The following NTRK1 variants were observed in gnomAD, a reference collection of about 807,000 sequenced individuals.
The protein encoded by NTRK1 is high affinity nerve growth factor receptor.
A neutral mutation model predicts 86.8 loss-of-function variants in NTRK1; 62 were observed. That is an observed-to-expected ratio of 0.71 (90% CI 0.58 to 0.88). The LOEUF (loss-of-function observed/expected upper bound fraction) is 0.88. Ranked by LOEUF, NTRK1 falls within the 40% of genes least tolerant of loss-of-function variation. The pLI is 0.00. For missense variants in NTRK1, 967 were observed against 1,078.4 expected, an observed-to-expected ratio of 0.90 and a Z score of 1.45; for synonymous variants, 469 against 456.6, an observed-to-expected ratio of 1.03 and a Z score of -0.35.
chr1:156,825,907 C>A (rs1488029582), intron 1 of NTRK1, among the ~76,000 whole-genome samples: 1 of 152,150 alleles, frequency 6.6e-6, no homozygotes, highest in Non-Finnish European at 1.5e-5. Context: ...TTATTATTCT[C>A]CCCACTTTAC....
chr1:156,845,875 C>T (rs577172324), intron 2 of NTRK1: 23 of 1,599,940 alleles, frequency 1.4e-5, no homozygotes, highest in African/African-American at 5.4e-5. Flanking sequence ...TGATCCCCCC[C>T]ACCTGCCGGG....
In NTRK1 at chr1:156,843,791, C is replaced by G. The variant is rs796788437; in HGVS notation, c.50+1598C>G. Among the ~76,000 whole-genome samples the G allele has an allele frequency of 3.0e-4, 45 of 152,348 alleles. 1 individual carries two copies. Among genetic ancestry groups the G allele is most frequent in the African/African-American group, 1.1e-3 (45 of 41,576 alleles). ...AGTCAGCCCTGGAAGGATCTGACATCAGGCATTCTGGAACACATCCCCAGG... is the reference window on the plus strand; with the variant it reads ...AGTCAGCCCTGGAAGGATCTGACATGAGGCATTCTGGAACACATCCCCAGG... On this transcript the variant is annotated intron_variant, in intron 2 of 16. Transcript: ENST00000392302.
intron 1 of NTRK1, among the ~76,000 whole-genome samples, chr1:156,829,816 C>T (rs1326631152): frequency 6.6e-6 from 1 of 152,068 alleles, no homozygotes; most frequent in Non-Finnish European, 1.5e-5. Context: ...CCGCATCCGG[C>T]GAATTTTGTA....
rs765933102 is a variant in NTRK1, at chr1:156,854,372, T to G, written c.51-9982T>G. On this transcript the variant is annotated intron_variant, in intron 2 of 16. Coordinates refer to the NTRK1 transcript ENST00000392302. The surrounding 1 kb of genome is among the most constrained non-coding windows in gnomAD (Gnocchi z 4.2). ...AAATTCCCCATCCAGCCCTGGCAGC[T>G]TTGGAGGGGAGCCACACTGGCAGTA... is the stretch of plus-strand genomic sequence containing the variant. 732 of 1,445,690 alleles carry G rather than the reference T, an allele frequency of 5.1e-4. 4 individuals carry two copies. Among genetic ancestry groups the G allele is most frequent in the Admixed American group, 2.6e-4 (13 of 49,598 alleles). The allele number at this position is 1,445,690 out of a possible 1,614,324, so 89.6% of individuals were successfully genotyped here.
chr1:156,843,007 ATGGTG>A (rs866442019), intron 2 of NTRK1: 1 of 1,611,396 alleles, frequency 6.2e-7, no homozygotes, highest in African/African-American at 1.3e-5. Flanking sequence ...CCCTTACCAC[ATGGTG>A]ACACTTGAAG....
At chr1:156,863,240 G>T (rs1655761657) in intron 1 of NTRK1, among the ~76,000 whole-genome samples, 1 of 152,064 alleles carries the variant, frequency 6.6e-6, no homozygotes, top group African/African-American at 2.4e-5. Flanking sequence ...GCTTTCTGTA[G>T]CTCTCTGTCC....
rs1648083695 is a variant in NTRK1, at chr1:156,879,003, C to T, written c.1806-119C>T. Reference sequence around the variant, plus strand: ...AGCTGCCTCTACTGTTCTCTCAATCCTCCACTTCCAGGTCCCCAGTCTCCT... The same window carrying T: ...AGCTGCCTCTACTGTTCTCTCAATCTTCCACTTCCAGGTCCCCAGTCTCCT... On this transcript the variant is annotated intron_variant, in intron 14 of 16. Coordinates refer to ENST00000524377, the MANE Select transcript of NTRK1 (RefSeq NM_002529.4). The T allele has an allele frequency of 2.5e-6, 3 of 1,210,700 alleles. No individual in the cohort carries two copies. The Admixed American group carries it at 6.5e-5, about 26-fold the overall frequency. 75.0% of individuals were successfully genotyped at this position (1,210,700 alleles called of 1,614,324 possible).
At position 156,864,375 on chromosome 1, in the gene NTRK1, T is replaced by A; in HGVS notation, c.234T>A (p.His78Gln). Residue 78 changes from histidine to glutamine, a missense_variant, in exon 2 of 17, where the codon CAT (histidine) becomes CAA (glutamine). By Grantham distance (24) the His-to-Gln change is conservative (BLOSUM62 0). This residue lies in a region of NTRK1 where 330 missense variants were observed against 302.0 expected (regional missense o/e 1.09). Transcript: ENST00000524377. ...LTELYIENQQ[H>Q]LQHLELRDLR... is the part of the protein sequence containing the mutation. ...ACAGCTACATCGAGAACCAGCAGCA[T>A]CTGCAGCATCTGGAGCTCCGTGATC... 6.2e-7 allele frequency: 1 copy of A among 1,614,126 alleles called. No individual in the cohort carries two copies. The highest frequency in any genetic ancestry group is 8.5e-7 in the Non-Finnish European group (1 of 1,180,010).
At chr1:156,865,313 C>A (rs2102887109) in intron 3 of NTRK1, among the ~76,000 whole-genome samples, 1 of 152,270 alleles carries the variant, frequency 6.6e-6, no homozygotes, top group South Asian at 2.1e-4. Context: ...ACAATTTTAC[C>A]ACGGATGGTG....
chr1:156,868,436 C>T, intron 5 of NTRK1, 69 bp from the exon 6 acceptor site: 1 of 1,548,008 alleles, frequency 6.5e-7, no homozygotes, highest in Non-Finnish European at 8.7e-7. Flanking sequence ...AGGAGCAGCC[C>T]CGCAGTAGAG....
chr1:156,880,172 A>G lies in NTRK1; in HGVS notation c.2205+15A>G, dbSNP rs1452127269. On this transcript the variant is annotated intron_variant, in intron 16 of 16. Coordinates refer to ENST00000524377, the MANE Select transcript of NTRK1 (RefSeq NM_002529.4). ...CCAACACGGAGGTCAGCCCCGGCCC[A>G]TGGTCACCCCTTGCTGGCCTCCCCG... The G allele has an allele frequency of 6.2e-7, 1 of 1,608,466 alleles. No individual in the cohort carries two copies. The highest frequency in any genetic ancestry group is 1.1e-5 in the South Asian group (1 of 90,950).
rs1292552056 is a variant in NTRK1 at position 156,842,066 on chromosome 1, C to CA, written c.-63-15_-63-14insA. On this transcript the variant is annotated splice_polypyrimidine_tract_variant and intron_variant, in intron 1 of 16. Coordinates refer to the NTRK1 transcript ENST00000392302. ...CTCCTGATGCCTAGCTTAAGGGAGT[C>CA]TCTCTACTTTTCAGGCCGCCCTCAT... 4 of 1,610,730 alleles carry CA rather than the reference C, an allele frequency of 2.5e-6. No homozygotes were observed. The Admixed American group carries it at 6.7e-5, about 27-fold the overall frequency.
chr1:156,876,702 C>G (rs927625701), intron 14 of NTRK1, 130 bp downstream of exon 14: 2 of 1,166,456 alleles, frequency 1.7e-6, no homozygotes. Context: ...AGGCACATTC[C>G]CGTCCCCAGG....
At chr1:156,864,494 G>A in intron 2 of NTRK1, 66 bp downstream of exon 2, 1 of 1,531,116 alleles carries the variant, frequency 6.5e-7, no homozygotes, top group Non-Finnish European at 9.0e-7. Context: ...GAAGGTCAGG[G>A]AGGGCTCAAG....
intron 2 of NTRK1, chr1:156,842,432 T>C: frequency 6.2e-7 from 1 of 1,614,130 alleles, no homozygotes; most frequent in Non-Finnish European, 8.5e-7. Context: ...AAGATGGCTC[T>C]TGAGGTCCCC....
At chr1:156,874,835 A>G (rs946132790) in intron 10 of NTRK1, 71 bp from the exon 11 acceptor site, 6 of 1,287,746 alleles carry the variant, frequency 4.7e-6, no homozygotes, top group Non-Finnish European at 6.8e-6. Context: ...GGATGAAAAA[A>G]TGGCTTACTA....
intron 7 of NTRK1, among the ~76,000 whole-genome samples, chr1:156,872,081 A>G (rs1647594059): frequency 6.6e-6 from 1 of 151,962 alleles, no homozygotes; most frequent in Non-Finnish European, 1.5e-5. Flanking sequence ...TTCTCCCCGC[A>G]TCCTAGTTTC....
rs2102912438 is a variant in NTRK1 at position 156,875,002 on chromosome 1, A to G, written c.1348A>G (p.Ile450Val). The change falls in exon 11 of 17, where the codon ATC becomes GTC. Residue 450 changes from isoleucine to valine, a missense_variant. By Grantham distance (29) the Ile-to-Val change is conservative (BLOSUM62 3). Around this residue, in one of 2 missense-constraint regions of NTRK1, gnomAD observed 637 missense variants for 776.5 expected, o/e 0.82. Transcript: ENST00000524377. The part of the protein sequence containing the change: ...NKCGRRNKFG[I>V]NRPAVLAPED... ...ATGTGGACGGAGAAACAAGTTTGGGATCAACCGTGAGTCGGGGCTGCAGAG... is the reference window on the plus strand; with the variant it reads ...ATGTGGACGGAGAAACAAGTTTGGGGTCAACCGTGAGTCGGGGCTGCAGAG... 1 of 1,611,514 alleles carries G rather than the reference A, an allele frequency of 6.2e-7. No individual in the cohort carries two copies. The highest frequency in any genetic ancestry group is 8.5e-7 in the Non-Finnish European group (1 of 1,177,812).
intron 2 of NTRK1, among the ~76,000 whole-genome samples, chr1:156,842,661 C>T (rs920672189): frequency 1.3e-5 from 2 of 152,196 alleles, no homozygotes; most frequent in East Asian, 1.9e-4. Context: ...TAACAATGAC[C>T]CTGACCCTAA....
Sources: gnomAD v4.1 joint callset for allele counts (sites outside exome capture counted in the v4.1 genomes callset) on GRCh38, gnomAD v4.1.1 for gene constraint, gnomAD v4.1.1 regional missense constraint, Gnocchi (gnomAD v3.1) non-coding constraint, MANE v1.5 for transcripts, NCBI Gene and HGNC (gene_info 2026-07-23, HGNC 2026-07-21) for gene names.